GCFC2: variants seen among roughly 807,000 people sequenced by gnomAD.
GCFC2 encodes the protein intron Large complex component GCFC2.
In GCFC2, 102 loss-of-function variants were observed where a neutral mutation model predicts 99.4. The ratio of observed to expected loss-of-function variants is 1.03; its 90% CI spans 0.87 to 1.21. The LOEUF (loss-of-function observed/expected upper bound fraction) is 1.21. GCFC2 is among the 50% of genes most tolerant of loss of function. The pLI, the probability that GCFC2 is intolerant of heterozygous loss-of-function variation, is 0.00. For synonymous variants in GCFC2, 338 were observed against 316.8 expected (o/e 1.07, Z -0.71); for missense variants, 973 against 920.9 (o/e 1.06, Z -0.73).
In GCFC2 at chr2:75,710,723, G is replaced by GGGCGA; in HGVS notation, c.132_133insTCGCC (p.Pro45SerfsTer128). 2 of 1,553,636 alleles carry GGGCGA rather than the reference G, an allele frequency of 1.3e-6. No individual in the cohort carries two copies. Among genetic ancestry groups the GGGCGA allele is most frequent in the Non-Finnish European group, 1.7e-6 (2 of 1,154,408 alleles). Reference sequence around the variant, plus strand: ...TGCGCGCGGCCTCCTCCAGAGGGCGGCTCTTCCTCCGCAGAACCCGGGACC... The same window carrying GGGCGA: ...TGCGCGCGGCCTCCTCCAGAGGGCGGGGCGACTCTTCCTCCGCAGAACCCGGGACC... On this transcript the variant is annotated frameshift_variant, in exon 1 of 17. Coordinates refer to ENST00000321027, the MANE Select transcript of GCFC2 (RefSeq NM_003203.5). LOFTEE classifies it high-confidence loss of function.
At position 75,699,083 on chromosome 2, in the gene GCFC2, G is replaced by T. The variant is rs556160958; in HGVS notation, c.717+2107C>A. Among the ~76,000 whole-genome samples the T allele has an allele frequency of 4.6e-5, 7 of 152,002 alleles. No homozygotes were observed. In the South Asian group the frequency reaches 1.5e-3, roughly 32 times the overall value. ...ATATTTGTGGAGCTGGGTTTTGGGA[G>T]GATGCTATGATAAAAACAAGTATTG... On this transcript the variant is annotated intron_variant, in intron 4 of 16. Transcript: ENST00000321027.
At chr2:75,703,095 C>A (rs79943128) in intron 2 of GCFC2, among the ~76,000 whole-genome samples, 3,532 of 151,894 alleles carry the variant, frequency 0.023, 148 homozygotes, top group East Asian at 0.15. Context: ...TATTTTTTTT[C>A]TTTATTTTGT....
chr2:75,670,723 A>C (rs1679059113), intron 14 of GCFC2: 1 of 153,900 alleles, frequency 6.5e-6, no homozygotes, highest in African/African-American at 2.4e-5. Context: ...AAGATTTATA[A>C]TCACCTTTGA....
chr2:75,694,156 C>T (rs1290789690), intron 6 of GCFC2, 85 bp downstream of exon 6: 2 of 419,616 alleles, frequency 4.8e-6, no homozygotes, highest in East Asian at 7.0e-5. Context: ...AGAAAAGTAT[C>T]TAATTGTGAG....
At chr2:75,701,754 T>G in intron 3 of GCFC2, 1 of 540,942 alleles carries the variant, frequency 1.8e-6, no homozygotes, top group Non-Finnish European at 2.4e-6. Flanking sequence ...AATGCATATA[T>G]CATAAATGAG....
At chr2:75,689,406 C>T (rs1679956638) in intron 9 of GCFC2, among the ~76,000 whole-genome samples, 181 bp from the exon 10 acceptor site, 1 of 152,034 alleles carries the variant, frequency 6.6e-6, no homozygotes, top group African/African-American at 2.4e-5. Flanking sequence ...ATAGAAGTTA[C>T]CATATATACC....
In GCFC2 at chr2:75,683,303, G is replaced by T. The variant is rs149077897; in HGVS notation, c.1691-2989C>A. On this transcript the variant is annotated intron_variant, in intron 11 of 16. Coordinates refer to ENST00000321027, the MANE Select transcript of GCFC2 (RefSeq NM_003203.5). ...GGGGCCAATATTCAACATTCTTAAA[G>T]AAATGAATTTTCAATCCAGAATTTC... 9.8e-4 allele frequency among the ~76,000 whole-genome samples: 149 copies of T among 151,930 alleles called. 2 individuals carry two copies. Among genetic ancestry groups the T allele is most frequent in the African/African-American group, 3.3e-3 (137 of 41,222 alleles).
At position 75,663,555 on chromosome 2, in the gene GCFC2, A is replaced by C. The variant is rs1435755420; in HGVS notation, c.*1111T>G. ...AAGTAATGACTTAATGCTTCAAAAA[A>C]CATCAACAAATTTAAAAGAAAGGCC... On this transcript the variant is annotated 3_prime_UTR_variant, in exon 17 of 17. Coordinates refer to ENST00000321027, the MANE Select transcript of GCFC2 (RefSeq NM_003203.5). 1 of 152,224 alleles carries C rather than the reference A, an allele frequency of 6.6e-6. No homozygotes were observed. Among genetic ancestry groups the C allele is most frequent in the Non-Finnish European group, 1.5e-5 (1 of 68,040 alleles). The allele number at this position is 152,224 out of a possible 1,614,324, so 9.4% of individuals were successfully genotyped here.
At chr2:75,673,118 G>A (rs367746367) in intron 13 of GCFC2, among the ~76,000 whole-genome samples, 5 of 152,048 alleles carry the variant, frequency 3.3e-5, no homozygotes, top group African/African-American at 9.7e-5. Flanking sequence ...AGACCATCCT[G>A]GCTAACATGG....
At chr2:75,669,611 C>A (rs954441368) in intron 15 of GCFC2, among the ~76,000 whole-genome samples, 2 of 152,122 alleles carry the variant, frequency 1.3e-5, no homozygotes, top group African/African-American at 2.4e-5. Flanking sequence ...TTGTAAACAG[C>A]CAGCCATCTA....
At chr2:75,695,629 T>C (rs1475863040) in intron 5 of GCFC2, among the ~76,000 whole-genome samples, 1 of 152,202 alleles carries the variant, frequency 6.6e-6, no homozygotes, top group African/African-American at 2.4e-5. Flanking sequence ...AGCCTATATA[T>C]GCTGTTTTTT....
At chr2:75,707,489 T>C (rs995810411) in intron 1 of GCFC2, among the ~76,000 whole-genome samples, 4 of 152,214 alleles carry the variant, frequency 2.6e-5, no homozygotes, top group African/African-American at 9.6e-5. Flanking sequence ...TCATTAATTT[T>C]AATTTTCTAC....
chr2:75,699,961 C>T (rs772713177), intron 4 of GCFC2, among the ~76,000 whole-genome samples: 1 of 149,854 alleles, frequency 6.7e-6, no homozygotes, highest in Non-Finnish European at 1.5e-5. Flanking sequence ...AGCGCAGTGG[C>T]GTGATCTTGG....
chr2:75,710,762 G>C lies in GCFC2; in HGVS notation c.94C>G (p.Pro32Ala), dbSNP rs7559767. The C allele has an allele frequency of 0.017, 27,298 of 1,568,182 alleles. 2,798 individuals are homozygous for C. The African/African-American group carries it at 0.28, about 16-fold the overall frequency. The stretch of plus-strand genomic sequence containing the variant: ...GAACCCGGGACCGGAAGTTCCCTCG[G>C]CGCCCCAGGCTCAGCAGGCGACTCC... ...AEESPAEPGA[P>A]RELPVPGSAE... Residue 32 changes from proline (P) to alanine (A), a missense_variant, in exon 1 of 17, where the codon CCG becomes GCG. By Grantham distance (27) the Pro-to-Ala change is conservative (BLOSUM62 -1). Coordinates refer to ENST00000321027, the MANE Select transcript of GCFC2 (RefSeq NM_003203.5).
At chr2:75,686,928 A>G (rs1679843117) in intron 11 of GCFC2, among the ~76,000 whole-genome samples, 1 of 136,950 alleles carries the variant, frequency 7.3e-6, no homozygotes, top group Admixed American at 7.3e-5. Flanking sequence ...ATGTGAGTGA[A>G]ATGAAGCAAT....
chr2:75,707,517 C>T (rs943054170), intron 1 of GCFC2, among the ~76,000 whole-genome samples: 3 of 151,848 alleles, frequency 2.0e-5, no homozygotes, highest in African/African-American at 7.3e-5. Flanking sequence ...AGAAGACCTA[C>T]ATACAGTTCA....
intron 12 of GCFC2, among the ~76,000 whole-genome samples, chr2:75,676,525 A>G (rs1679346996): frequency 6.6e-6 from 1 of 151,768 alleles, no homozygotes; most frequent in Non-Finnish European, 1.5e-5. Flanking sequence ...TCCACTTAAT[A>G]TGCTTACACC....
chr2:75,676,705 TCTTA>T (rs1482787498), intron 12 of GCFC2, among the ~76,000 whole-genome samples: 1 of 152,216 alleles, frequency 6.6e-6, no homozygotes, highest in Non-Finnish European at 1.5e-5. Context: ...TTATAATCTG[TCTTA>T]CTTATGCTGC....
At chr2:75,670,028 T>G (rs1679019975) in intron 15 of GCFC2, 110 bp downstream of exon 15, 2 of 659,280 alleles carry the variant, frequency 3.0e-6, no homozygotes, top group Admixed American at 2.7e-5. Context: ...CCTGGCCCAT[T>G]TGTCTATATA....
Sources: gnomAD v4.1 joint callset for allele counts (sites outside exome capture counted in the v4.1 genomes callset) on GRCh38, gnomAD v4.1.1 for gene constraint, MANE v1.5 for transcripts, NCBI Gene and HGNC (gene_info 2026-07-23, HGNC 2026-07-21) for gene names.